The following FRMD4A variants were observed in gnomAD, a reference collection of about 807,000 sequenced individuals.
FRMD4A encodes the protein FERM domain containing 4A.
Under a neutral mutation model 129.1 loss-of-function variants are expected in FRMD4A, and 29 were observed. That is an observed-to-expected ratio of 0.22 (90% CI 0.17 to 0.31). The LOEUF is 0.31. Among genes scored for constraint, FRMD4A ranks in the 10% least tolerant of loss-of-function variants. The pLI, the probability that FRMD4A is intolerant of heterozygous loss-of-function variation, is 1.00. For synonymous variants in FRMD4A, 634 were observed against 571.6 expected (o/e 1.11, Z -1.56); for missense variants, 1,272 against 1,375.8 (o/e 0.92, Z 1.19).
chr10:14,256,026 T>C (rs1589233723), intron 2 of FRMD4A, among the ~76,000 whole-genome samples: 1 of 151,284 alleles, frequency 6.6e-6, no homozygotes, highest in African/African-American at 2.4e-5. Flanking sequence ...AAAAAAAATT[T>C]GTTGCCAAAA....
At chr10:13,788,579 T>G (rs529391818) in intron 5 of FRMD4A, among the ~76,000 whole-genome samples, 1 of 152,250 alleles carries the variant, frequency 6.6e-6, no homozygotes, top group African/African-American at 2.4e-5. Context: ...AAACGGGTTT[T>G]GGGGGCACAC....
chr10:14,138,318 C>T (rs200990760), intron 2 of FRMD4A, among the ~76,000 whole-genome samples: 2 of 152,164 alleles, frequency 1.3e-5, no homozygotes, highest in Non-Finnish European at 2.9e-5. Context: ...GTCCAGCTGA[C>T]AAAGCCTCTC....
chr10:13,752,388 T>G (rs979243850), intron 8 of FRMD4A, among the ~76,000 whole-genome samples: 2 of 152,176 alleles, frequency 1.3e-5, no homozygotes, highest in Non-Finnish European at 2.9e-5. Flanking sequence ...GAGCAAAAAT[T>G]AAACCTGAGA....
intron 2 of FRMD4A, among the ~76,000 whole-genome samples, chr10:14,125,471 C>A (rs1348370012): frequency 6.6e-6 from 1 of 152,078 alleles, no homozygotes; most frequent in Non-Finnish European, 1.5e-5. Flanking sequence ...TTGCAAAGGT[C>A]CAATACCCTT....
At chr10:13,993,837 T>A (rs12412081) in intron 2 of FRMD4A, among the ~76,000 whole-genome samples, 1 of 144,638 alleles carries the variant, frequency 6.9e-6, no homozygotes. Flanking sequence ...CCTGTCAGAA[T>A]AGGTTTTTTT....
intron 2 of FRMD4A, among the ~76,000 whole-genome samples, chr10:14,208,593 C>A (rs1265784943): frequency 1.3e-5 from 2 of 152,040 alleles, no homozygotes; most frequent in Non-Finnish European, 2.9e-5. Flanking sequence ...CTCCCCCACC[C>A]CTCCCAACCT....
intron 2 of FRMD4A, among the ~76,000 whole-genome samples, chr10:14,117,747 C>A (rs888521517): frequency 6.6e-6 from 1 of 152,150 alleles, no homozygotes; most frequent in African/African-American, 2.4e-5. Context: ...TTCTTGTGTA[C>A]CTGTCACGTG....
chr10:13,729,066 C>T (rs1430765099), intron 12 of FRMD4A, among the ~76,000 whole-genome samples: 2 of 152,222 alleles, frequency 1.3e-5, no homozygotes, highest in Non-Finnish European at 2.9e-5. Context: ...TCCCCATGCC[C>T]TCCACCTCCT....
intron 2 of FRMD4A, among the ~76,000 whole-genome samples, chr10:14,095,337 T>A: frequency 6.6e-6 from 1 of 152,208 alleles, no homozygotes; most frequent in East Asian, 1.9e-4. Context: ...GGGTGCTTCC[T>A]GCTAGCCATC....
At chr10:14,137,320 C>T (rs1160049822) in intron 2 of FRMD4A, among the ~76,000 whole-genome samples, 1 of 152,224 alleles carries the variant, frequency 6.6e-6, no homozygotes, top group East Asian at 1.9e-4. Flanking sequence ...CACACAAGCA[C>T]ATAGAGCTAT....
chr10:14,298,952 A>G (rs1846097039), intron 2 of FRMD4A, among the ~76,000 whole-genome samples: 1 of 152,138 alleles, frequency 6.6e-6, no homozygotes, highest in Non-Finnish European at 1.5e-5. Flanking sequence ...ATCAAATTTT[A>G]TGGTGGAGTT....
intron 2 of FRMD4A, among the ~76,000 whole-genome samples, chr10:14,205,496 G>A (rs1403090991): frequency 6.6e-6 from 1 of 152,102 alleles, no homozygotes; most frequent in Non-Finnish European, 1.5e-5. Context: ...AGGATTCCCT[G>A]GGGTGACTCA....
intron 2 of FRMD4A, among the ~76,000 whole-genome samples, chr10:14,202,170 T>C (rs541093926): frequency 2.2e-4 from 33 of 151,148 alleles, no homozygotes; most frequent in African/African-American, 8.0e-4. Context: ...TGGAGAGCCA[T>C]TGGATTCTGG....
intron 12 of FRMD4A, among the ~76,000 whole-genome samples, chr10:13,714,156 G>A (rs1263130773): frequency 1.4e-5 from 2 of 147,762 alleles, no homozygotes; most frequent in African/African-American, 2.5e-5. Context: ...GCTGCCTCCC[G>A]GGTTCAAGTG....
intron 2 of FRMD4A, among the ~76,000 whole-genome samples, chr10:14,024,206 G>A (rs755582298): frequency 3.3e-5 from 5 of 152,200 alleles, no homozygotes; most frequent in Admixed American, 2.6e-4. Context: ...TCCCCTGACC[G>A]CACATGAGTA....
chr10:14,025,068 T>A (rs180896001), intron 2 of FRMD4A, among the ~76,000 whole-genome samples: 1 of 152,350 alleles, frequency 6.6e-6, no homozygotes, highest in Non-Finnish European at 1.5e-5. Flanking sequence ...CATAGTCTTG[T>A]GAAAAACAAG....
In FRMD4A at chr10:13,761,636, T is replaced by C. The variant is rs2092077759; in HGVS notation, c.464+11A>G. 6.3e-7 allele frequency: 1 copy of C among 1,599,030 alleles called. No individual in the cohort carries two copies. Among genetic ancestry groups the C allele is most frequent in the Non-Finnish European group, 8.6e-7 (1 of 1,169,318 alleles). On this transcript the variant is annotated intron_variant, in intron 8 of 24. Coordinates refer to ENST00000357447, the MANE Select transcript of FRMD4A (RefSeq NM_018027.5). ...ATTTTAAACAACACAACAACAAAAT[T>C]GTAAACTTACCTAGAAAAATCTCCC...
chr10:14,281,076 T>C (rs889148600), intron 2 of FRMD4A, among the ~76,000 whole-genome samples: 1 of 126,606 alleles, frequency 7.9e-6, no homozygotes, highest in Non-Finnish European at 1.6e-5. Flanking sequence ...CACCACAACC[T>C]CCACCTCCTG....
intron 12 of FRMD4A, among the ~76,000 whole-genome samples, chr10:13,714,806 GA>G (rs2088613998): frequency 6.6e-6 from 1 of 152,156 alleles, no homozygotes; most frequent in Admixed American, 6.5e-5. Flanking sequence ...TTGGGAGGCA[GA>G]GGTGGGCCCA....
Sources: gnomAD v4.1 joint callset for allele counts (sites outside exome capture counted in the v4.1 genomes callset) on GRCh38, gnomAD v4.1.1 for gene constraint, MANE v1.5 for transcripts, NCBI Gene and HGNC (gene_info 2026-07-23, HGNC 2026-07-21) for gene names.